Variants in TULP2 observed in about 807,000 individuals in gnomAD.
TULP2 encodes the protein tubby-related protein 2.
A neutral mutation model predicts 60.3 loss-of-function variants in TULP2; 64 were observed. The observed-to-expected ratio is 1.06, with a 90% confidence interval of 0.87 to 1.31. The LOEUF is 1.31. Among genes scored for constraint, TULP2 ranks in the 50% most tolerant of loss-of-function variants. The pLI is 0.00. For synonymous variants in TULP2, 267 were observed against 265.4 expected, an observed-to-expected ratio of 1.01 and a Z score of -0.06; for missense variants, 652 against 667.0, an observed-to-expected ratio of 0.98 and a Z score of 0.25.
rs369040799 is a variant in TULP2, at chr19:48,896,337, C to T, written c.211+93G>A. 301 of 1,467,498 alleles carry T rather than the reference C, an allele frequency of 2.1e-4. 1 individual carries two copies. In the South Asian group the frequency reaches 3.2e-3, roughly 15 times the overall value. 90.9% of individuals were successfully genotyped at this position (1,467,498 alleles called of 1,614,324 possible). A position where few individuals can be genotyped will look rare whatever the true frequency, so the allele number is the denominator to read the frequency against. On this transcript the variant is annotated intron_variant, in intron 4 of 12. Coordinates refer to ENST00000221399, the MANE Select transcript of TULP2 (RefSeq NM_003323.3). ...CCCCATCCACTGCCAAGTCCCCACCCTAAGGCTCCACCCCTTCATCCACTA... is the reference window on the plus strand; with the variant it reads ...CCCCATCCACTGCCAAGTCCCCACCTTAAGGCTCCACCCCTTCATCCACTA...
chr19:48,887,338 T>TTTTTTTTTTTTTTA (rs1285265988), intron 8 of TULP2, among the ~76,000 whole-genome samples: 1 of 95,252 alleles, frequency 1.0e-5, no homozygotes, highest in Non-Finnish European at 2.1e-5. Flanking sequence ...TTTTTTTTTT[T>TTTTTTTTTTTTTTA]TTTTTATGCA....
At chr19:48,898,516 TCA>T (rs2037304340) in intron 1 of TULP2, 72 bp downstream of exon 1, 1 of 152,104 alleles carries the variant, frequency 6.6e-6, no homozygotes, top group African/African-American at 2.4e-5. Context: ...CTTGTTCTCC[TCA>T]CCAGGTGCCT....
rs147669768 is a variant in TULP2, at chr19:48,897,568, G to T, written c.33-172C>A. 23 of 717,386 alleles carry T rather than the reference G, an allele frequency of 3.2e-5. No homozygotes were observed. The highest frequency in any genetic ancestry group is 4.9e-5 in the Non-Finnish European group (21 of 428,932). 44.4% of individuals were successfully genotyped at this position (717,386 alleles called of 1,614,324 possible). ...ACCAGTTATAGGGCCCTTTCTCCTG[G>T]CACTGGCCCACAGAAGCCGGGACCC... On this transcript the variant is annotated intron_variant, in intron 2 of 12. Coordinates refer to ENST00000221399, the MANE Select transcript of TULP2 (RefSeq NM_003323.3). This position sits in a 1 kb window ranked among gnomAD's most constrained non-coding sequence, Gnocchi z 4.0.
chr19:48,881,993 C>A (rs746043320), intron 12 of TULP2, 39 bp downstream of exon 12: 71 of 1,613,982 alleles, frequency 4.4e-5, no homozygotes, highest in Non-Finnish European at 5.9e-5. Context: ...CTAACCCCCA[C>A]CCCACCTGGC....
At position 48,888,244 on chromosome 19, in the gene TULP2, C is replaced by G; in HGVS notation, c.654G>C (p.Lys218Asn). Residue 218 changes from lysine to asparagine, a missense_variant, in exon 8 of 13, where the codon AAG becomes AAC. Lys to Asn is a moderately conservative substitution (Grantham distance 94). Coordinates refer to ENST00000221399, the MANE Select transcript of TULP2 (RefSeq NM_003323.3). ...CTGTAGACTCAGAGGCCTCTCTCTTCTTTTCCAAGTCTTCTTCCTAGCCCA... is the reference window on the plus strand; with the variant it reads ...CTGTAGACTCAGAGGCCTCTCTCTTGTTTTCCAAGTCTTCTTCCTAGCCCA... ...LAFQKEEDLE[K>N]KREASESTGT... 1.3e-6 allele frequency: 2 copies of G among 1,593,200 alleles called. No homozygotes were observed. The highest frequency in any genetic ancestry group is 1.7e-6 in the Non-Finnish European group (2 of 1,165,382).
Position 48,888,215 on chromosome 19 carries a change from G to C in TULP2, c.683C>G (p.Thr228Arg), listed in dbSNP as rs749064265. 5.0e-6 allele frequency: 8 copies of C among 1,610,904 alleles called. No individual in the cohort carries two copies. The East Asian group carries it at 1.1e-4, about 22-fold the overall frequency. The part of the protein sequence containing the change: ...KKREASESTG[T>R]NSSAAHNEEL... ...TTCGTTGTGTGCTGCTGAGGAGTTC[G>C]TCCCTGTAGACTCAGAGGCCTCTCT... Residue 228 changes from threonine (T) to arginine (R), a missense_variant, in exon 8 of 13, where the codon ACG becomes AGG. By Grantham distance (71) the Thr-to-Arg change is moderately conservative. Coordinates refer to ENST00000221399, the MANE Select transcript of TULP2 (RefSeq NM_003323.3).
intron 6 of TULP2, among the ~76,000 whole-genome samples, chr19:48,891,631 G>A (rs763465148): frequency 5.9e-5 from 9 of 152,210 alleles, no homozygotes; most frequent in South Asian, 4.1e-4. Context: ...CTCCACACCC[G>A]TGGGTATTTC....
rs1398784901 is a variant in TULP2 at position 48,897,585 on chromosome 19, C to A, written c.33-189G>T. The A allele has an allele frequency of 4.2e-6, 3 of 707,918 alleles. No individual in the cohort carries two copies. 43.9% of individuals were successfully genotyped at this position (707,918 alleles called of 1,614,324 possible). A position where few individuals can be genotyped will look rare whatever the true frequency, so the allele number is the denominator to read the frequency against. ...TTCTCCTGGCACTGGCCCACAGAAG[C>A]CGGGACCCAGAGATCCCAGGTCCCT... On this transcript the variant is annotated intron_variant, in intron 2 of 12. Transcript: ENST00000221399. This position sits in a 1 kb window ranked among gnomAD's most constrained non-coding sequence, Gnocchi z 4.0.
Position 48,896,513 on chromosome 19 carries a change from A to ATT in TULP2, c.127_128insAA (p.Leu43GlnfsTer26), listed in dbSNP as rs1331417056. On this transcript the variant is annotated frameshift_variant, in exon 4 of 13. Transcript: ENST00000221399. LOFTEE classifies it high-confidence loss of function. ...GTCAGGATTGGCCTGAACCATGAGG[A>ATT]GCTCCTGGCGCTTCTGTCGCTGCTT... 1.3e-5 allele frequency: 21 copies of ATT among 1,607,200 alleles called. No individual in the cohort carries two copies. The highest frequency in any genetic ancestry group is 1.7e-5 in the Non-Finnish European group (20 of 1,176,964).
At chr19:48,888,856 A>G (rs1487882137) in intron 7 of TULP2, among the ~76,000 whole-genome samples, 1 of 152,112 alleles carries the variant, frequency 6.6e-6, no homozygotes, top group Non-Finnish European at 1.5e-5. Flanking sequence ...TCCTGACCTC[A>G]GGTGATCTGC....
chr19:48,884,631 G>A (rs912606920), intron 9 of TULP2, among the ~76,000 whole-genome samples: 38 of 151,414 alleles, frequency 2.5e-4, no homozygotes, highest in African/African-American at 7.3e-4. Context: ...TTAGCCAGGC[G>A]TGGTGGTGCA....
At position 48,888,121 on chromosome 19, in the gene TULP2, C is replaced by T. The variant is rs1403312011; in HGVS notation, c.777G>A (p.Leu259=). Residue 259 remains leucine (L), a synonymous_variant, in exon 8 of 13, where the codon TTG becomes TTA. Transcript: ENST00000221399. ...GCCCAGGGCAGGGGGAGCGGATTGCCAAGGAGGCTTCGTGCCTCATATGGT... is the reference window on the plus strand; with the variant it reads ...GCCCAGGGCAGGGGGAGCGGATTGCTAAGGAGGCTTCGTGCCTCATATGGT... ...DSDHMRHEAS[L]AIRSPCPGLE... 1 of 1,614,224 alleles carries T rather than the reference C, an allele frequency of 6.2e-7. No homozygotes were observed. Among genetic ancestry groups the T allele is most frequent in the South Asian group, 1.1e-5 (1 of 91,088 alleles).
At chr19:48,894,913 C>G in intron 6 of TULP2, 85 bp downstream of exon 6, 1 of 1,486,654 alleles carries the variant, frequency 6.7e-7, no homozygotes, top group Non-Finnish European at 9.1e-7. Context: ...AATTATACTT[C>G]AGTGAAGCTG....
chr19:48,886,090 A>C (rs2037176718), intron 8 of TULP2, among the ~76,000 whole-genome samples: 1 of 151,732 alleles, frequency 6.6e-6, no homozygotes, highest in African/African-American at 2.4e-5. Flanking sequence ...GCAGATCACG[A>C]GGTAAGGAGA....
At chr19:48,898,409 C>G (rs555524916) in intron 1 of TULP2, 181 bp downstream of exon 1, 1 of 151,064 alleles carries the variant, frequency 6.6e-6, no homozygotes, top group South Asian at 2.1e-4. Flanking sequence ...ATCTAATTCT[C>G]CAGCACCCAG....
chr19:48,895,511 A>T lies in TULP2; in HGVS notation c.212-8T>A, dbSNP rs751597770. The T allele has an allele frequency of 1.3e-6, 2 of 1,598,988 alleles. No individual in the cohort carries two copies. Among genetic ancestry groups the T allele is most frequent in the East Asian group, 4.5e-5 (2 of 44,458 alleles). The stretch of plus-strand genomic sequence containing the variant: ...GGAAAGGGTTCCCAAGGCCTGGGAG[A>T]AGGTTCAGCGAGCCCATGAAAACGA... On this transcript the variant is annotated splice_polypyrimidine_tract_variant and splice_region_variant and intron_variant, in intron 4 of 12. Coordinates refer to ENST00000221399, the MANE Select transcript of TULP2 (RefSeq NM_003323.3).
intron 6 of TULP2, among the ~76,000 whole-genome samples, chr19:48,891,537 G>T (rs1046742431): frequency 8.2e-6 from 1 of 121,998 alleles, no homozygotes; most frequent in Non-Finnish European, 1.6e-5. Flanking sequence ...GGCTGAGGCA[G>T]GAGAATCGCT....
intron 6 of TULP2, among the ~76,000 whole-genome samples, chr19:48,892,886 T>TC (rs1249153276): frequency 6.7e-6 from 1 of 149,764 alleles, no homozygotes; most frequent in East Asian, 2.0e-4. Context: ...CTCTTTCTTT[T>TC]CCCCACACAG....
At chr19:48,886,462 TG>T (rs2037180249) in intron 8 of TULP2, among the ~76,000 whole-genome samples, 1 of 152,174 alleles carries the variant, frequency 6.6e-6, no homozygotes, top group South Asian at 2.1e-4. Flanking sequence ...CTTTGGAGAA[TG>T]GGGAGCACCC....
Sources: allele counts gnomAD v4.1 joint callset (sites outside exome capture counted in the v4.1 genomes callset), GRCh38; gene constraint gnomAD v4.1.1; non-coding constraint Gnocchi (gnomAD v3.1); transcripts MANE v1.5; gene names NCBI Gene and HGNC (gene_info 2026-07-23, HGNC 2026-07-21).